The following RASAL2 variants were observed in gnomAD, a reference collection of about 807,000 sequenced individuals.
RASAL2 encodes the protein RAS protein activator like 2, also known as ras GTPase-activating protein nGAP.
Under a neutral mutation model 128.9 loss-of-function variants are expected in RASAL2, and 58 were observed. The ratio of observed to expected loss-of-function variants is 0.45; its 90% CI spans 0.36 to 0.56. RASAL2 has a LOEUF of 0.56. Ranked by LOEUF, RASAL2 falls within the 20% of genes least tolerant of loss-of-function variation. The pLI is 0.00. For missense variants in RASAL2, 1,360 were observed against 1,601.6 expected (o/e 0.85, Z 2.57); for synonymous variants, 561 against 580.8 (o/e 0.97, Z 0.49).
rs562771472 is a variant in RASAL2 at position 178,365,299 on chromosome 1, A to G, written c.458-24801A>G. On this transcript the variant is annotated intron_variant, in intron 3 of 17. Coordinates refer to ENST00000367649, the MANE Select transcript of RASAL2 (RefSeq NM_170692.4). ...ACCTTATATGATCATATAATACTAT[A>G]TCTCCTCACTAAAATACAAGGAAAG... 9.2e-5 allele frequency among the ~76,000 whole-genome samples: 14 copies of G among 152,248 alleles called. No homozygotes were observed. The South Asian group carries it at 2.9e-3, about 32-fold the overall frequency.
At chr1:178,280,447 T>A (rs558419199) in intron 1 of RASAL2, among the ~76,000 whole-genome samples, 2 of 152,244 alleles carry the variant, frequency 1.3e-5, no homozygotes, top group East Asian at 3.9e-4. Context: ...TCATATTTTT[T>A]AAATTTCTCA....
chr1:178,472,184 TA>T (rs1372411627), intron 17 of RASAL2, among the ~76,000 whole-genome samples: 1 of 152,200 alleles, frequency 6.6e-6, no homozygotes, highest in East Asian at 1.9e-4. Flanking sequence ...ATGATTTTAT[TA>T]AAAAAATTTT....
intron 3 of RASAL2, among the ~76,000 whole-genome samples, chr1:178,320,110 G>T (rs983650594): frequency 2.6e-5 from 4 of 151,870 alleles, no homozygotes; most frequent in African/African-American, 4.8e-5. Flanking sequence ...CTGCTCGGGG[G>T]TCAGGGGTCA....
chr1:178,283,024 A>G (rs1666855148), intron 1 of RASAL2, among the ~76,000 whole-genome samples: 1 of 152,160 alleles, frequency 6.6e-6, no homozygotes, highest in African/African-American at 2.4e-5. Flanking sequence ...TCTTAAGAAA[A>G]TTATTTTCCA....
intron 1 of RASAL2, among the ~76,000 whole-genome samples, chr1:178,277,630 A>G (rs1024742686): frequency 1.3e-5 from 2 of 152,270 alleles, no homozygotes; most frequent in Admixed American, 1.3e-4. Flanking sequence ...ATGAAAATGT[A>G]TGTATAGATA....
rs887793902 is a variant in RASAL2 at position 178,475,537 on chromosome 1, T to C, written c.*2298T>C. ...CCTGGTAAGAGAATTGTCAGTTTCA[T>C]TGGCCATAAGTATGTAATGTGGGTG... On this transcript the variant is annotated 3_prime_UTR_variant, in exon 18 of 18. Coordinates refer to ENST00000367649, the MANE Select transcript of RASAL2 (RefSeq NM_170692.4). The C allele has an allele frequency of 2.0e-5, 3 of 152,238 alleles. No homozygotes were observed. The highest frequency in any genetic ancestry group is 7.2e-5 in the African/African-American group (3 of 41,464). The allele number at this position is 152,238 out of a possible 1,614,324, so 9.4% of individuals were successfully genotyped here. A position where few individuals can be genotyped will look rare whatever the true frequency, so the allele number is the denominator to read the frequency against.
In RASAL2 at chr1:178,094,661, G is replaced by A; in HGVS notation, c.169G>A (p.Val57Met). The A allele has an allele frequency of 6.2e-7, 1 of 1,614,086 alleles. No individual in the cohort carries two copies. The highest frequency in any genetic ancestry group is 8.5e-7 in the Non-Finnish European group (1 of 1,180,034). ...GTTGGATCGGATCCTTCTGGAGTCCGTGTGCCAGCAACAGAGCTGGGTCCG... is the reference window on the plus strand; with the variant it reads ...GTTGGATCGGATCCTTCTGGAGTCCATGTGCCAGCAACAGAGCTGGGTCCG... ...GMLDRILLESVCQQQSWVRVY... is the reference protein window; with the variant it reads ...GMLDRILLESMCQQQSWVRVY... The change falls in exon 1 of 18, where the codon GTG becomes ATG. Residue 57 changes from valine to methionine, a missense_variant. Physicochemically the swap from Val to Met is conservative, Grantham distance 21. Around this residue, in one of 3 missense-constraint regions of RASAL2, gnomAD observed 617 missense variants for 714.2 expected, o/e 0.86. Transcript: ENST00000367649.
rs1434216091 is a variant in RASAL2 at position 178,478,792 on chromosome 1, G to A, written c.*5553G>A. 3 of 152,122 alleles carry A rather than the reference G, an allele frequency of 2.0e-5. No homozygotes were observed. The highest frequency in any genetic ancestry group is 1.9e-4 in the East Asian group (1 of 5,204). The allele number at this position is 152,122 out of a possible 1,614,324, so 9.4% of individuals were successfully genotyped here. A position where few individuals can be genotyped will look rare whatever the true frequency, so the allele number is the denominator to read the frequency against. On this transcript the variant is annotated 3_prime_UTR_variant, in exon 18 of 18. Transcript: ENST00000367649. ...CTTGTACATGTACAGATATAGATAC[G>A]TTTGAGGTCTTTTATTGATATTCCT...
At chr1:178,141,193 C>T (rs371361453) in intron 1 of RASAL2, among the ~76,000 whole-genome samples, 20 of 73,944 alleles carry the variant, frequency 2.7e-4, no homozygotes, top group Admixed American at 8.6e-4. Context: ...CTTTTCTTTT[C>T]TTTTTTTTTT....
intron 3 of RASAL2, among the ~76,000 whole-genome samples, chr1:178,314,249 A>G (rs1347511635): frequency 6.6e-6 from 1 of 152,214 alleles, no homozygotes; most frequent in African/African-American, 2.4e-5. Flanking sequence ...GAATATTTTT[A>G]CTGTGTCTCT....
At chr1:178,263,722 G>GT in intron 1 of RASAL2, among the ~76,000 whole-genome samples, 1 of 151,564 alleles carries the variant, frequency 6.6e-6, no homozygotes, top group South Asian at 2.1e-4. Flanking sequence ...CTCTAAAATC[G>GT]TTTAAAAAAA....
At chr1:178,327,490 C>T (rs930470258) in intron 3 of RASAL2, among the ~76,000 whole-genome samples, 3 of 152,072 alleles carry the variant, frequency 2.0e-5, no homozygotes, top group Admixed American at 2.0e-4. Context: ...GGACTACAGG[C>T]ACATACCATC....
In RASAL2 at chr1:178,105,585, A is replaced by G. The variant is rs778346344; in HGVS notation, c.202+10891A>G. Among the ~76,000 whole-genome samples the G allele has an allele frequency of 2.1e-4, 32 of 152,190 alleles. 1 individual carries two copies. Among genetic ancestry groups the G allele is most frequent in the Non-Finnish European group, 3.1e-4 (21 of 68,032 alleles). On this transcript the variant is annotated intron_variant, in intron 1 of 17. Transcript: ENST00000367649. ...TAAATAAGTACTAAATAATGAAGACATATGAAGGATATGATACAGTGGGAA... is the reference window on the plus strand; with the variant it reads ...TAAATAAGTACTAAATAATGAAGACGTATGAAGGATATGATACAGTGGGAA...
At chr1:178,454,861 A>C (rs1026324694) in intron 12 of RASAL2, among the ~76,000 whole-genome samples, 2 of 152,146 alleles carry the variant, frequency 1.3e-5, no homozygotes, top group Non-Finnish European at 2.9e-5. Context: ...GTTTTTAATA[A>C]TTATCTGAAT....
At chr1:178,242,422 ATTCTCTCTCTCTCT>A (rs1558135719) in intron 1 of RASAL2, among the ~76,000 whole-genome samples, 7 of 91,952 alleles carry the variant, frequency 7.6e-5, no homozygotes, top group African/African-American at 2.4e-4. Context: ...TTTATAATTC[ATTCTCTCTCTCTCT>A]CTCTCTCTCT....
At chr1:178,096,109 G>C (rs1278236175) in intron 1 of RASAL2, among the ~76,000 whole-genome samples, 2 of 152,158 alleles carry the variant, frequency 1.3e-5, no homozygotes, top group Non-Finnish European at 2.9e-5. Context: ...CTGATTTTCC[G>C]TCTGCCTGCT....
chr1:178,463,365 T>C (rs1647312068), intron 14 of RASAL2, among the ~76,000 whole-genome samples: 1 of 152,186 alleles, frequency 6.6e-6, no homozygotes, highest in Non-Finnish European at 1.5e-5. Context: ...TAATATCTAA[T>C]GCTAGTTTTT....
intron 1 of RASAL2, among the ~76,000 whole-genome samples, chr1:178,207,736 C>A (rs978403840): frequency 9.2e-5 from 14 of 152,114 alleles, no homozygotes; most frequent in Admixed American, 7.2e-4. Context: ...TCCCCACCCC[C>A]CACACACATA....
chr1:178,261,293 T>C (rs1174938198), intron 1 of RASAL2, among the ~76,000 whole-genome samples: 1 of 152,178 alleles, frequency 6.6e-6, no homozygotes, highest in Non-Finnish European at 1.5e-5. Context: ...ATAATATAAA[T>C]ATTTAGGCCT....
Sources: allele counts gnomAD v4.1 joint callset (sites outside exome capture counted in the v4.1 genomes callset), GRCh38; gene constraint gnomAD v4.1.1; regional missense constraint gnomAD v4.1.1; transcripts MANE v1.5; gene names NCBI Gene and HGNC (gene_info 2026-07-23, HGNC 2026-07-21).